CTNNA2: variants seen among roughly 807,000 people sequenced by gnomAD.
CTNNA2 encodes catenin alpha 2, also known as catenin alpha-2.
Under a neutral mutation model 101.0 loss-of-function variants are expected in CTNNA2, and 42 were observed. The observed-to-expected ratio is 0.42, with a 90% CI of 0.32 to 0.54. The LOEUF (loss-of-function observed/expected upper bound fraction) is 0.54. Ranked by LOEUF, CTNNA2 falls within the 20% of genes least tolerant of loss-of-function variation. The pLI, the probability that CTNNA2 is intolerant of heterozygous loss-of-function variation, is 0.14. For synonymous variants in CTNNA2, 450 were observed against 456.4 expected (o/e 0.99, Z 0.18); for missense variants, 871 against 1,223.1 (o/e 0.71, Z 4.29).
intron 3 of CTNNA2, among the ~76,000 whole-genome samples, chr2:79,756,118 T>A (rs9808114): frequency 2.0e-5 from 3 of 151,902 alleles, no homozygotes; most frequent in Non-Finnish European, 4.4e-5. Flanking sequence ...TGCAAGACAT[T>A]GGAAGATAAT....
intron 7 of CTNNA2, among the ~76,000 whole-genome samples, chr2:80,028,931 C>T (rs1695112920): frequency 6.6e-6 from 1 of 152,158 alleles, no homozygotes; most frequent in Non-Finnish European, 1.5e-5. Context: ...GAATTCTGAC[C>T]TCTGGAACTA....
chr2:80,380,716 A>G (rs1449161799), intron 7 of CTNNA2, among the ~76,000 whole-genome samples: 1 of 152,210 alleles, frequency 6.6e-6, no homozygotes, highest in Non-Finnish European at 1.5e-5. Context: ...ATGCAGACCT[A>G]GCAAACTTTC....
chr2:80,201,047 T>G (rs1707174427), intron 7 of CTNNA2, among the ~76,000 whole-genome samples: 1 of 152,156 alleles, frequency 6.6e-6, no homozygotes, highest in Non-Finnish European at 1.5e-5. Flanking sequence ...GGCATAGTAT[T>G]TACACATAAC....
intron 7 of CTNNA2, among the ~76,000 whole-genome samples, chr2:79,999,414 C>G (rs1406333672): frequency 6.6e-6 from 1 of 152,192 alleles, no homozygotes; most frequent in Non-Finnish European, 1.5e-5. Context: ...CCACTGCCCA[C>G]AGTGGCAGGT....
rs57259974 is a variant in CTNNA2 at position 80,045,963 on chromosome 2, G to A, written c.1056+136166G>A. Among the ~76,000 whole-genome samples the A allele has an allele frequency of 3.7e-3, 558 of 152,302 alleles. 30 individuals carry two copies. In the East Asian group the frequency reaches 0.09, roughly 25 times the overall value. The stretch of plus-strand genomic sequence containing the variant: ...TAAATGAGCCTGCATCCCGAAAAGT[G>A]AGAGTAGATCACTCAGCAGAGCATC... On this transcript the variant is annotated intron_variant, in intron 7 of 18. Transcript: ENST00000402739.
chr2:79,319,156 T>C (rs1454866024), intron 3 of CTNNA2, among the ~76,000 whole-genome samples: 3 of 152,144 alleles, frequency 2.0e-5, no homozygotes, highest in African/African-American at 7.2e-5. Context: ...AAAAATTATG[T>C]GGACATTTTT....
intron 7 of CTNNA2, among the ~76,000 whole-genome samples, chr2:80,007,576 C>A (rs561333665): frequency 6.6e-6 from 1 of 152,184 alleles, no homozygotes; most frequent in African/African-American, 2.4e-5. Context: ...GAAACAAGAC[C>A]CCTTTCCCTG....
intron 2 of CTNNA2, among the ~76,000 whole-genome samples, chr2:79,675,549 C>T (rs80347902): frequency 0.017 from 2,608 of 152,302 alleles, 80 homozygotes; most frequent in African/African-American, 0.059. Context: ...AACATTTGCA[C>T]AGAACGCAGT....
chr2:79,552,638 T>C (rs1313128145), intron 1 of CTNNA2, among the ~76,000 whole-genome samples: 2 of 152,104 alleles, frequency 1.3e-5, no homozygotes, highest in Non-Finnish European at 2.9e-5. Flanking sequence ...GAAATCTAGA[T>C]AGAGGCTCCC....
intron 9 of CTNNA2, among the ~76,000 whole-genome samples, chr2:80,523,031 G>A (rs1032052768): frequency 2.6e-5 from 4 of 152,126 alleles, no homozygotes; most frequent in South Asian, 2.1e-4. Context: ...TTACATAAAG[G>A]TAAGAGTGAG....
intron 8 of CTNNA2, among the ~76,000 whole-genome samples, chr2:80,404,263 A>G (rs917298146): frequency 6.6e-6 from 1 of 151,426 alleles, no homozygotes; most frequent in Non-Finnish European, 1.5e-5. Flanking sequence ...ATTGTTTTTT[A>G]TGTGTCTATT....
At chr2:80,132,308 A>G (rs1372221926) in intron 7 of CTNNA2, among the ~76,000 whole-genome samples, 1 of 152,132 alleles carries the variant, frequency 6.6e-6, no homozygotes, top group Non-Finnish European at 1.5e-5. Context: ...GGGCTGTCTC[A>G]TAAGCAGGAC....
rs567205821 is a variant in CTNNA2 at position 80,331,215 on chromosome 2, T to C, written c.1057-61996T>C. ...GAGCAGCCACGACTGTGTCAGCACATTAGGTATTCGTTATCACATCGGGCA... is the reference window on the plus strand; with the variant it reads ...GAGCAGCCACGACTGTGTCAGCACACTAGGTATTCGTTATCACATCGGGCA... On this transcript the variant is annotated intron_variant, in intron 7 of 18. Transcript: ENST00000402739. 1.8e-3 allele frequency among the ~76,000 whole-genome samples: 279 copies of C among 152,232 alleles called. 1 individual carries two copies. Among genetic ancestry groups the C allele is most frequent in the Non-Finnish European group, 3.3e-3 (224 of 67,996 alleles).
intron 3 of CTNNA2, among the ~76,000 whole-genome samples, chr2:79,348,098 C>A: frequency 6.6e-6 from 1 of 152,116 alleles, no homozygotes; most frequent in East Asian, 1.9e-4. Flanking sequence ...ATGTCACAGG[C>A]AACATGGTAT....
chr2:79,380,348 A>C (rs944887547), intron 4 of CTNNA2, among the ~76,000 whole-genome samples: 1 of 151,922 alleles, frequency 6.6e-6, no homozygotes, highest in Non-Finnish European at 1.5e-5. Context: ...AGGCAGCAGC[A>C]TTACTCTCCG....
chr2:79,450,978 C>T (rs1011110281), intron 4 of CTNNA2, among the ~76,000 whole-genome samples: 6 of 152,042 alleles, frequency 3.9e-5, no homozygotes, highest in African/African-American at 1.4e-4. Flanking sequence ...ATACACACAT[C>T]CACACTCACC....
chr2:79,375,575 C>A (rs1265534321), intron 4 of CTNNA2, among the ~76,000 whole-genome samples: 2 of 151,916 alleles, frequency 1.3e-5, no homozygotes, highest in Non-Finnish European at 1.5e-5. Flanking sequence ...CTGAGACCTT[C>A]AAAAATGTTA....
intron 11 of CTNNA2, 21 bp from the exon 12 acceptor site, chr2:80,555,671 TG>T: frequency 7.2e-7 from 1 of 1,391,966 alleles, no homozygotes; most frequent in Non-Finnish European, 9.6e-7. Context: ...GTCATCTAAA[TG>T]TGTATGTGTC....
At chr2:80,206,471 G>A (rs543474904) in intron 7 of CTNNA2, among the ~76,000 whole-genome samples, 1 of 152,198 alleles carries the variant, frequency 6.6e-6, no homozygotes, top group Admixed American at 6.5e-5. Flanking sequence ...CACATCCAAT[G>A]TTCTTTAACA....
Sources: allele counts gnomAD v4.1 joint callset (sites outside exome capture counted in the v4.1 genomes callset), GRCh38; gene constraint gnomAD v4.1.1; transcripts MANE v1.5; gene names NCBI Gene and HGNC (gene_info 2026-07-23, HGNC 2026-07-21).